The following B3GALT1 variants were observed in gnomAD, a reference collection of about 807,000 sequenced individuals.
B3GALT1 encodes the protein beta-1,3-galactosyltransferase 1, also known as UDP-Gal:betaGlcNAc beta 1,3-galactosyltransferase, polypeptide 1.
A neutral mutation model predicts 23.2 loss-of-function variants in B3GALT1; 10 were observed. The ratio of observed to expected loss-of-function variants is 0.43; its 90% CI spans 0.27 to 0.73. The LOEUF is 0.73. Among genes scored for constraint, B3GALT1 ranks in the 30% least tolerant of loss-of-function variants. B3GALT1 has a pLI of 0.21. For missense variants in B3GALT1, 299 were observed against 405.4 expected (o/e 0.74, Z 2.25); for synonymous variants, 156 against 141.5 (o/e 1.10, Z -0.73).
intron 2 of B3GALT1, among the ~76,000 whole-genome samples, chr2:167,535,869 G>A (rs1202022641): frequency 6.6e-6 from 1 of 152,120 alleles, no homozygotes; most frequent in African/African-American, 2.4e-5. Context: ...TTTCAAAAGT[G>A]TCTTATTCAA....
In B3GALT1 at chr2:167,764,788, G is replaced by C. The variant is rs147469467; in HGVS notation, c.-351-53884G>C. ...CCTTCGGCCACAGAACTATTAGAAC[G>C]TAAGGATATGAAAATAACTAACGGC... On this transcript the variant is annotated intron_variant, in intron 3 of 4. Coordinates refer to ENST00000392690, the MANE Select transcript of B3GALT1 (RefSeq NM_020981.4). Among the ~76,000 whole-genome samples, 6 of 152,224 alleles carry C rather than the reference G, an allele frequency of 3.9e-5. No individual in the cohort carries two copies. The East Asian group carries it at 9.7e-4, about 24-fold the overall frequency.
At chr2:167,819,906 G>A (rs148740034) in intron 4 of B3GALT1, among the ~76,000 whole-genome samples, 12 of 152,234 alleles carry the variant, frequency 7.9e-5, no homozygotes, top group African/African-American at 2.4e-4. Context: ...TTCTCCCTCC[G>A]CTTACTGACA....
intron 3 of B3GALT1, among the ~76,000 whole-genome samples, chr2:167,700,039 T>C (rs1341819513): frequency 4.6e-5 from 7 of 152,128 alleles, no homozygotes; most frequent in Admixed American, 3.9e-4. Flanking sequence ...TAGAGTTTAA[T>C]ATAGTTATTG....
intron 1 of B3GALT1, among the ~76,000 whole-genome samples, chr2:167,376,615 A>G (rs951649083): frequency 7.9e-5 from 12 of 151,826 alleles, no homozygotes; most frequent in Non-Finnish European, 1.8e-4. Context: ...TAGATCTTCT[A>G]GTTTGTGTGT....
At chr2:167,395,793 A>C (rs571212892) in intron 1 of B3GALT1, among the ~76,000 whole-genome samples, 14 of 152,162 alleles carry the variant, frequency 9.2e-5, no homozygotes, top group Non-Finnish European at 1.8e-4. Context: ...TTGAAAAAAA[A>C]ATCAAATACA....
intron 3 of B3GALT1, among the ~76,000 whole-genome samples, chr2:167,701,286 C>T (rs1030632944): frequency 2.6e-5 from 4 of 151,206 alleles, no homozygotes; most frequent in East Asian, 2.0e-4. Context: ...GGAGGAGGGG[C>T]GTGACCACCA....
chr2:167,546,550 C>A (rs77078089), intron 2 of B3GALT1, among the ~76,000 whole-genome samples: 1 of 151,944 alleles, frequency 6.6e-6, no homozygotes, highest in East Asian at 1.9e-4. Flanking sequence ...TAGATCTCAC[C>A]CCCCACCCCA....
At chr2:167,676,516 T>TACACACACACACACAC (rs34764364) in intron 3 of B3GALT1, among the ~76,000 whole-genome samples, 11 of 145,080 alleles carry the variant, frequency 7.6e-5, no homozygotes, top group Non-Finnish European at 1.5e-4. Context: ...TGTATGTTTA[T>TACACACACACACACAC]ACACACACAC....
chr2:167,410,088 A>G (rs1415466154), intron 1 of B3GALT1, among the ~76,000 whole-genome samples: 2 of 152,192 alleles, frequency 1.3e-5, no homozygotes, highest in African/African-American at 2.4e-5. Flanking sequence ...ATGGAATACT[A>G]TGCAGCCATA....
chr2:167,312,797 C>T (rs1250159129), intron 1 of B3GALT1, among the ~76,000 whole-genome samples: 1 of 152,044 alleles, frequency 6.6e-6, no homozygotes, highest in East Asian at 1.9e-4. Context: ...AGTGACAGTT[C>T]TTTTCAAGAT....
intron 4 of B3GALT1, among the ~76,000 whole-genome samples, chr2:167,864,771 G>A (rs958850379): frequency 1.3e-5 from 2 of 152,008 alleles, no homozygotes; most frequent in Admixed American, 6.6e-5. Flanking sequence ...TCTCTCATCT[G>A]TCAAATGGAG....
At chr2:167,591,822 G>C (rs1684687696) in intron 2 of B3GALT1, among the ~76,000 whole-genome samples, 1 of 152,000 alleles carries the variant, frequency 6.6e-6, no homozygotes, top group Admixed American at 6.6e-5. Context: ...GTTGTGTTGA[G>C]AGTAAATAGA....
chr2:167,464,233 A>T (rs916706591), intron 1 of B3GALT1, among the ~76,000 whole-genome samples: 1 of 152,146 alleles, frequency 6.6e-6, no homozygotes, highest in African/African-American at 2.4e-5. Context: ...AGGTATGATC[A>T]ATGTCCTCAT....
chr2:167,738,798 C>CTTTG (rs371735399), intron 3 of B3GALT1, among the ~76,000 whole-genome samples: 2 of 69,340 alleles, frequency 2.9e-5, no homozygotes, highest in Non-Finnish European at 7.8e-5. Flanking sequence ...TCTTTGTATA[C>CTTTG]TTTTGTGGGA....
At chr2:167,771,950 G>T (rs978412804) in intron 3 of B3GALT1, among the ~76,000 whole-genome samples, 1 of 152,168 alleles carries the variant, frequency 6.6e-6, no homozygotes, top group Non-Finnish European at 1.5e-5. Context: ...GGGGAGAATG[G>T]TTCTGCTCAT....
intron 2 of B3GALT1, among the ~76,000 whole-genome samples, chr2:167,642,598 T>A (rs1421569242): frequency 6.6e-6 from 1 of 152,186 alleles, no homozygotes; most frequent in African/African-American, 2.4e-5. Context: ...CATTTTATGC[T>A]GGGCGCAGTG....
intron 3 of B3GALT1, among the ~76,000 whole-genome samples, chr2:167,801,406 T>TA (rs1018868405): frequency 1.3e-5 from 2 of 152,218 alleles, no homozygotes; most frequent in African/African-American, 2.4e-5. Context: ...AGCTTAAACA[T>TA]AAAATGAGAA....
intron 4 of B3GALT1, among the ~76,000 whole-genome samples, chr2:167,837,098 G>A (rs375837503): frequency 6.4e-4 from 98 of 152,102 alleles, no homozygotes; most frequent in Middle Eastern, 3.2e-3. Context: ...GACCATCGAG[G>A]CTAGGAAGAA....
intron 3 of B3GALT1, among the ~76,000 whole-genome samples, chr2:167,665,936 G>A (rs954717620): frequency 6.6e-6 from 1 of 151,924 alleles, no homozygotes; most frequent in African/African-American, 2.4e-5. Context: ...TTAATTTTTT[G>A]AAGGGCTTTT....
Sources: gnomAD v4.1 joint callset for allele counts (sites outside exome capture counted in the v4.1 genomes callset) on GRCh38, gnomAD v4.1.1 for gene constraint, MANE v1.5 for transcripts, NCBI Gene and HGNC (gene_info 2026-07-23, HGNC 2026-07-21) for gene names.